The following TMPRSS11F variants were observed in gnomAD, a reference collection of about 807,000 sequenced individuals.
TMPRSS11F encodes transmembrane protease serine 11F.
A neutral mutation model predicts 60.2 loss-of-function variants in TMPRSS11F; 47 were observed. The ratio of observed to expected loss-of-function variants is 0.78; its 90% CI spans 0.62 to 1.00. The LOEUF (loss-of-function observed/expected upper bound fraction) is 1.00. Ranked by LOEUF, TMPRSS11F falls within the 50% of genes least tolerant of loss-of-function variation. The pLI is 0.00. For missense variants in TMPRSS11F, 519 were observed against 522.9 expected (o/e 0.99, Z 0.07); for synonymous variants, 166 against 167.3 (o/e 0.99, Z 0.06).
rs551056899 is a variant in TMPRSS11F, at chr4:68,054,009, A to G, written c.1217T>C (p.Ile406Thr). The change falls in exon 10 of 10, where the codon ATA becomes ACA. Residue 406 changes from isoleucine to threonine, a missense_variant. Transcript: ENST00000356291. ...DNHDIWYIVG[I>T]VSWGQSCALP... Reference sequence around the variant, plus strand: ...TGCACATGATTGTCCCCAACTTACTATACCTACAATGTACCAGATGTCATG... The same window carrying G: ...TGCACATGATTGTCCCCAACTTACTGTACCTACAATGTACCAGATGTCATG... 1 of 1,613,490 alleles carries G rather than the reference A, an allele frequency of 6.2e-7. No individual in the cohort carries two copies. The highest frequency in any genetic ancestry group is 8.5e-7 in the Non-Finnish European group (1 of 1,179,486).
chr4:68,115,356 C>CAAAAA lies in TMPRSS11F; in HGVS notation c.11+14449_11+14453dup, dbSNP rs57550471. Among the ~76,000 whole-genome samples, 28 of 74,686 alleles carry CAAAAA rather than the reference C, an allele frequency of 3.7e-4. 2 individuals are homozygous for CAAAAA. Among genetic ancestry groups the CAAAAA allele is most frequent in the Admixed American group, 7.1e-4 (4 of 5,628 alleles). The allele number at this position is 74,686 out of a possible 152,430, so 49.0% of individuals were successfully genotyped here. ...TGGGCAACAGAGCAAGACACCATCT[C>CAAAAA]AAAAAAAAAAAAAAAAAAAAAAAAA... On this transcript the variant is annotated intron_variant, in intron 1 of 9. Transcript: ENST00000356291.
At chr4:68,072,296 A>G in intron 5 of TMPRSS11F, 27 bp downstream of exon 5, 2 of 1,400,140 alleles carry the variant, frequency 1.4e-6, no homozygotes, top group Non-Finnish European at 1.9e-6. Context: ...GAATGACAAA[A>G]GTGGCAAATA....
intron 3 of TMPRSS11F, among the ~76,000 whole-genome samples, chr4:68,085,528 A>G (rs1723793873): frequency 1.3e-5 from 2 of 152,218 alleles, no homozygotes. Flanking sequence ...ACAATCATCT[A>G]CAAAACAATC....
At chr4:68,063,059 A>G (rs754441132) in intron 8 of TMPRSS11F, 1 of 656,662 alleles carries the variant, frequency 1.5e-6, no homozygotes, top group Non-Finnish European at 2.9e-6. Context: ...TATCTTGTGA[A>G]TTGTTCCTTG....
Position 68,101,107 on chromosome 4 carries a change from G to A in TMPRSS11F, c.12-2069C>T, listed in dbSNP as rs73825380. Among the ~76,000 whole-genome samples the A allele has an allele frequency of 9.1e-3, 1,384 of 152,224 alleles. 27 individuals carry two copies. Among genetic ancestry groups the A allele is most frequent in the African/African-American group, 0.032 (1,314 of 41,550 alleles). ...GGTTGATAGCCAAATATCACATTAT[G>A]GTAGCACTGCATTGTTGTAAAGGGA... On this transcript the variant is annotated intron_variant, in intron 1 of 9. Transcript: ENST00000356291.
intron 8 of TMPRSS11F, chr4:68,063,381 G>C: frequency 5.2e-6 from 2 of 385,276 alleles, no homozygotes; most frequent in Admixed American, 6.8e-5. Flanking sequence ...TTCTGTTTTT[G>C]TTTTTGTTTG....
chr4:68,066,397 A>T (rs1723328763), intron 7 of TMPRSS11F, among the ~76,000 whole-genome samples: 1 of 152,152 alleles, frequency 6.6e-6, no homozygotes, highest in Non-Finnish European at 1.5e-5. Context: ...TGATAGGCCA[A>T]TTTAACATGT....
chr4:68,107,883 G>T (rs1397268413), intron 1 of TMPRSS11F, among the ~76,000 whole-genome samples: 1 of 152,246 alleles, frequency 6.6e-6, no homozygotes, highest in African/African-American at 2.4e-5. Flanking sequence ...GCTGCAGTGA[G>T]CTGAGATTGT....
At chr4:68,093,958 A>G (rs1225842384) in intron 2 of TMPRSS11F, among the ~76,000 whole-genome samples, 1 of 110,836 alleles carries the variant, frequency 9.0e-6, no homozygotes, top group African/African-American at 2.9e-5. Context: ...GTGGGACTGT[A>G]AACTAGTTCA....
chr4:68,064,909 C>T lies in TMPRSS11F; in HGVS notation c.791G>A (p.Gly264Asp), dbSNP rs771109439. 4 of 1,613,728 alleles carry T rather than the reference C, an allele frequency of 2.5e-6. No homozygotes were observed. The highest frequency in any genetic ancestry group is 1.1e-5 in the South Asian group (1 of 91,026). Residue 264 changes from glycine to aspartate, a missense_variant, in exon 8 of 10, where the codon GGT (glycine) becomes GAT (aspartate). Transcript: ENST00000356291. Reference sequence around the variant, plus strand: ...CACTGCGGGTGGTGTTATAGTTGCACCAAAAGTAGCAATCCATTGAGTTGG... The same window carrying T: ...CACTGCGGGTGGTGTTATAGTTGCATCAAAAGTAGCAATCCATTGAGTTGG... ...KDPTQWIATF[G>D]ATITPPAVKR...
chr4:68,063,062 G>A, intron 8 of TMPRSS11F: 1 of 655,346 alleles, frequency 1.5e-6, no homozygotes, highest in South Asian at 1.4e-5. Context: ...CTTGTGAATT[G>A]TTCCTTGTAC....
intron 2 of TMPRSS11F, among the ~76,000 whole-genome samples, chr4:68,095,160 T>C (rs1724045966): frequency 6.6e-6 from 1 of 151,176 alleles, no homozygotes; most frequent in Non-Finnish European, 1.5e-5. Context: ...TCATAATACA[T>C]AAAAATATAT....
At chr4:68,089,167 C>T (rs1206878707) in intron 3 of TMPRSS11F, among the ~76,000 whole-genome samples, 1 of 152,058 alleles carries the variant, frequency 6.6e-6, no homozygotes, top group African/African-American at 2.4e-5. Context: ...AAATGATTTT[C>T]GATTTAAAGT....
chr4:68,095,820 C>T (rs922271134), intron 2 of TMPRSS11F, among the ~76,000 whole-genome samples: 13 of 139,134 alleles, frequency 9.3e-5, no homozygotes, highest in South Asian at 7.0e-4. Flanking sequence ...TGCTTGAACC[C>T]GGGAGGCAGA....
chr4:68,056,952 C>T (rs1723059925), intron 9 of TMPRSS11F, among the ~76,000 whole-genome samples: 1 of 152,102 alleles, frequency 6.6e-6, no homozygotes, highest in Admixed American at 6.5e-5. Context: ...ATAGTCTATT[C>T]AATAAATGGT....
intron 2 of TMPRSS11F, 47 bp downstream of exon 2, chr4:68,098,840 G>A (rs755024505): frequency 3.1e-5 from 47 of 1,515,502 alleles, no homozygotes; most frequent in East Asian, 4.6e-5. Flanking sequence ...TTCAAGATAC[G>A]AAGTCATGGA....
At chr4:68,086,855 A>G (rs1431037095) in intron 3 of TMPRSS11F, among the ~76,000 whole-genome samples, 1 of 152,174 alleles carries the variant, frequency 6.6e-6, no homozygotes, top group Non-Finnish European at 1.5e-5. Flanking sequence ...ACCAATAATG[A>G]GTTCTGAAAC....
At chr4:68,095,910 A>T (rs1724065366) in intron 2 of TMPRSS11F, among the ~76,000 whole-genome samples, 1 of 151,564 alleles carries the variant, frequency 6.6e-6, no homozygotes, top group African/African-American at 2.4e-5. Context: ...AAAAAAAAAA[A>T]AAAAAAGCAT....
chr4:68,092,749 C>T (rs1723969996), intron 2 of TMPRSS11F, among the ~76,000 whole-genome samples: 1 of 151,896 alleles, frequency 6.6e-6, no homozygotes, highest in Non-Finnish European at 1.5e-5. Context: ...TAAGATTGAT[C>T]CCAGAGTGAC....
Sources: allele counts gnomAD v4.1 joint callset (sites outside exome capture counted in the v4.1 genomes callset), GRCh38; gene constraint gnomAD v4.1.1; transcripts MANE v1.5; gene names NCBI Gene and HGNC (gene_info 2026-07-23, HGNC 2026-07-21).